The following PACRG variants were observed in gnomAD, a reference collection of about 807,000 sequenced individuals.
The protein encoded by PACRG is parkin coregulated.
A neutral mutation model predicts 29.7 loss-of-function variants in PACRG; 29 were observed. That is an observed-to-expected ratio of 0.98 (90% CI 0.73 to 1.33). PACRG has a LOEUF of 1.33. Among genes scored for constraint, PACRG ranks in the 40% most tolerant of loss-of-function variants. PACRG has a pLI of 0.00. For synonymous variants in PACRG, 116 were observed against 118.7 expected (o/e 0.98, Z 0.15); for missense variants, 279 against 316.2 (o/e 0.88, Z 0.89).
intron 4 of PACRG, among the ~76,000 whole-genome samples, chr6:163,248,419 G>A (rs547362330): frequency 1.5e-5 from 2 of 136,326 alleles, no homozygotes; most frequent in South Asian, 4.7e-4. Flanking sequence ...AGAGGGGAGT[G>A]CATATTTTAT....
chr6:163,138,056 T>C (rs1210042051), intron 4 of PACRG, among the ~76,000 whole-genome samples: 1 of 151,776 alleles, frequency 6.6e-6, no homozygotes, highest in Non-Finnish European at 1.5e-5. Flanking sequence ...TAAGAAGGAG[T>C]GGGGGAGCCT....
chr6:162,745,677 T>C (rs1195532065), intron 1 of PACRG, among the ~76,000 whole-genome samples: 1 of 152,212 alleles, frequency 6.6e-6, no homozygotes, highest in South Asian at 2.1e-4. Flanking sequence ...CTGCTGATTT[T>C]GTAGTACCTA....
chr6:163,254,146 G>A (rs1197207301), intron 4 of PACRG, among the ~76,000 whole-genome samples: 1 of 152,178 alleles, frequency 6.6e-6, no homozygotes, highest in Non-Finnish European at 1.5e-5. Context: ...AACTTAAAAT[G>A]CAACAGCACT....
intron 4 of PACRG, among the ~76,000 whole-genome samples, chr6:163,277,904 A>T (rs145625093): frequency 0.011 from 1,696 of 152,178 alleles, 33 homozygotes; most frequent in African/African-American, 0.039. Flanking sequence ...TCTTTAAGGA[A>T]TCTCCACACT....
chr6:163,036,548 T>C lies in PACRG; in HGVS notation c.292-25602T>C, dbSNP rs140116840. Among the ~76,000 whole-genome samples, 40 of 152,340 alleles carry C rather than the reference T, an allele frequency of 2.6e-4. No individual in the cohort carries two copies. In the East Asian group the frequency reaches 7.5e-3, roughly 29 times the overall value. On this transcript the variant is annotated intron_variant, in intron 2 of 4. Transcript: ENST00000366888. ...ATGAGCCTAAATAAGTTAGGATTGA[T>C]GAGTGGGCAATTCAATCACCTCCTG...
intron 4 of PACRG, among the ~76,000 whole-genome samples, chr6:163,138,397 A>G (rs1817023020): frequency 6.6e-6 from 1 of 152,196 alleles, no homozygotes; most frequent in Non-Finnish European, 1.5e-5. Context: ...TAGAATGGTA[A>G]TTAACTCGAG....
In PACRG at chr6:163,216,171, C is replaced by T. The variant is rs369120914; in HGVS notation, c.614-98656C>T. ...CTGTGTTGTCTAATAGAGAGCTGGCCGTTGTAAAGAGCATCTGGGGACAGC... is the reference window on the plus strand; with the variant it reads ...CTGTGTTGTCTAATAGAGAGCTGGCTGTTGTAAAGAGCATCTGGGGACAGC... On this transcript the variant is annotated intron_variant, in intron 4 of 4. Transcript: ENST00000366888. Among the ~76,000 whole-genome samples, 11 of 152,266 alleles carry T rather than the reference C, an allele frequency of 7.2e-5. 1 individual carries two copies. Among genetic ancestry groups the T allele is most frequent in the African/African-American group, 2.4e-4 (10 of 41,540 alleles).
intron 3 of PACRG, among the ~76,000 whole-genome samples, chr6:163,072,797 T>A: frequency 6.6e-6 from 1 of 152,156 alleles, no homozygotes; most frequent in East Asian, 1.9e-4. Context: ...ATCATTAGCA[T>A]TTCCATATAC....
At chr6:163,056,925 A>G (rs1323839764) in intron 2 of PACRG, among the ~76,000 whole-genome samples, 1 of 152,168 alleles carries the variant, frequency 6.6e-6, no homozygotes, top group East Asian at 1.9e-4. Flanking sequence ...GTGCTTTGGC[A>G]ATGGAAAATA....
chr6:162,990,406 C>A (rs1435547235), intron 2 of PACRG, among the ~76,000 whole-genome samples: 1 of 150,274 alleles, frequency 6.7e-6, no homozygotes, highest in Non-Finnish European at 1.5e-5. Flanking sequence ...CCTGTTGTTT[C>A]CTGACTTTTT....
intron 2 of PACRG, among the ~76,000 whole-genome samples, chr6:162,920,383 C>A (rs1007180016): frequency 6.6e-6 from 1 of 152,134 alleles, no homozygotes; most frequent in Non-Finnish European, 1.5e-5. Flanking sequence ...CTGATAGCAG[C>A]AGCTGGAAGA....
At chr6:162,892,032 G>C (rs1321844132) in intron 2 of PACRG, 1 of 152,440 alleles carries the variant, frequency 6.6e-6, no homozygotes, top group Non-Finnish European at 1.5e-5. Context: ...CCCTGGGCAA[G>C]GCCCCCCCTG....
chr6:163,106,684 A>G (rs1473753709), intron 4 of PACRG, among the ~76,000 whole-genome samples: 2 of 152,230 alleles, frequency 1.3e-5, no homozygotes, highest in Non-Finnish European at 2.9e-5. Context: ...CTGAGTTAAT[A>G]AATCCAATGC....
intron 4 of PACRG, among the ~76,000 whole-genome samples, chr6:163,302,411 C>CTGATAATTAATTAATTAT (rs1785040068): frequency 6.6e-6 from 1 of 152,150 alleles, no homozygotes; most frequent in African/African-American, 2.4e-5. Context: ...ATTTAACTCA[C>CTGATAATTAATTAATTAT]CAGTGTAGAA....
intron 4 of PACRG, among the ~76,000 whole-genome samples, chr6:163,097,705 T>G (rs1389446239): frequency 6.6e-6 from 1 of 152,172 alleles, no homozygotes; most frequent in Admixed American, 6.5e-5. Flanking sequence ...AGTTCCTGAT[T>G]GGCAATTGGT....
At chr6:162,867,072 G>T (rs1354093408) in intron 2 of PACRG, among the ~76,000 whole-genome samples, 1 of 152,112 alleles carries the variant, frequency 6.6e-6, no homozygotes, top group South Asian at 2.1e-4. Flanking sequence ...GAAAGACTGG[G>T]CAATAGGTCT....
intron 4 of PACRG, among the ~76,000 whole-genome samples, chr6:163,297,171 A>C (rs73784585): frequency 9.2e-5 from 14 of 152,364 alleles, no homozygotes; most frequent in African/African-American, 3.1e-4. Flanking sequence ...AGACTATGTA[A>C]AGACTTTGTC....
chr6:162,748,589 C>A (rs1000087289), intron 1 of PACRG, among the ~76,000 whole-genome samples: 1 of 152,116 alleles, frequency 6.6e-6, no homozygotes, highest in Non-Finnish European at 1.5e-5. Flanking sequence ...ATTTGAAAAT[C>A]TCTTCTCAAA....
intron 1 of PACRG, among the ~76,000 whole-genome samples, chr6:162,812,516 G>A (rs1786962231): frequency 6.6e-6 from 1 of 151,760 alleles, no homozygotes; most frequent in South Asian, 2.1e-4. Flanking sequence ...ACTTTTTTGA[G>A]GGTGTTAAAA....
Sources: gnomAD v4.1 joint callset for allele counts (sites outside exome capture counted in the v4.1 genomes callset) on GRCh38, gnomAD v4.1.1 for gene constraint, MANE v1.5 for transcripts, NCBI Gene and HGNC (gene_info 2026-07-23, HGNC 2026-07-21) for gene names.